The following ESRP2 variants were observed in gnomAD, a reference collection of about 807,000 sequenced individuals.
ESRP2 encodes epithelial splicing regulatory protein 2.
ESRP2 carries 48 observed loss-of-function variants against 78.6 expected under a neutral mutation model. The observed-to-expected ratio is 0.61, with a 90% CI of 0.48 to 0.78. The LOEUF is 0.78. Ranked by LOEUF, ESRP2 falls within the 30% of genes least tolerant of loss-of-function variation. The probability of loss-of-function intolerance (pLI) is 0.00; values close to 1 mark genes in which losing one functional copy is unlikely to be tolerated. For missense variants in ESRP2, 863 were observed against 965.9 expected (o/e 0.89, Z 1.41); for synonymous variants, 383 against 406.7 (o/e 0.94, Z 0.70).
chr16:68,230,551 G>T lies in ESRP2; in HGVS notation c.1902C>A (p.Pro634=), dbSNP rs1399930120. 6.4e-7 allele frequency: 1 copy of T among 1,563,788 alleles called. No homozygotes were observed. The highest frequency in any genetic ancestry group is 1.9e-5 in the Admixed American group (1 of 54,012). Residue 634 remains proline (P), a synonymous_variant, in exon 14 of 15, where the codon CCC becomes CCA. Transcript: ENST00000473183. ...AGCCCACAGTGGTGGGGGAGACTGGGGGGCTAGGGTGGGAGAGACAAGGTT... is the reference window on the plus strand; with the variant it reads ...AGCCCACAGTGGTGGGGGAGACTGGTGGGCTAGGGTGGGAGAGACAAGGTT... ...YLNYTAYYPS[P]PVSPTTVGYL... is the part of the protein sequence containing the mutation.
intron 4 of ESRP2, 52 bp from the exon 5 acceptor site, chr16:68,233,477 G>A (rs773684534): frequency 2.9e-6 from 4 of 1,382,830 alleles, no homozygotes; most frequent in Non-Finnish European, 4.1e-6. Context: ...CACTAATCCT[G>A]TTTACTCCTG....
In ESRP2 at chr16:68,232,399, T is replaced by C; in HGVS notation, c.926A>G (p.Lys309Arg). 2.5e-6 allele frequency: 4 copies of C among 1,614,082 alleles called. No individual in the cohort carries two copies. The highest frequency in any genetic ancestry group is 3.4e-6 in the Non-Finnish European group (4 of 1,180,004). ...EQRDLALQRHKHHMGVRYIEV... is the reference protein window; with the variant it reads ...EQRDLALQRHRHHMGVRYIEV... ...AATATAGCGGACGCCCATGTGGTGC[T>C]TGTGTCTCTGCAGCGCTAGGTCCCG... Residue 309 changes from lysine to arginine, a missense_variant, in exon 8 of 15, where the codon AAG becomes AGG. Coordinates refer to ENST00000473183, the MANE Select transcript of ESRP2 (RefSeq NM_024939.3). This position sits in a 1 kb window ranked among gnomAD's most constrained non-coding sequence, Gnocchi z 5.2.
rs781047948 is a variant in ESRP2, at chr16:68,232,789, T to TGA, written c.681_682insTC (p.Ile228SerfsTer2). The TGA allele has an allele frequency of 2.5e-6, 4 of 1,614,254 alleles. No individual in the cohort carries two copies. Among genetic ancestry groups the TGA allele is most frequent in the Non-Finnish European group, 3.4e-6 (4 of 1,180,044 alleles). On this transcript the variant is annotated frameshift_variant, in exon 6 of 15. Transcript: ENST00000473183. LOFTEE classifies it high-confidence loss of function. This position sits in a 1 kb window ranked among gnomAD's most constrained non-coding sequence, Gnocchi z 5.2. ...GGCCCCGTCTCGTATTTCTGCTTTA[T>TGA]CACCTCGGGCTTCGAAAACAATTGA... is the stretch of plus-strand genomic sequence containing the variant.
At chr16:68,234,144 T>G (rs947262304) in intron 2 of ESRP2, 37 bp from the exon 3 acceptor site, 12 of 1,499,520 alleles carry the variant, frequency 8.0e-6, no homozygotes, top group South Asian at 1.2e-5. Flanking sequence ...AACACACAGA[T>G]TCACAGCTGG....
chr16:68,230,118 T>A lies in ESRP2; in HGVS notation c.*108A>T. On this transcript the variant is annotated 3_prime_UTR_variant, in exon 15 of 15. Coordinates refer to ENST00000473183, the MANE Select transcript of ESRP2 (RefSeq NM_024939.3). ...CTCCTCTAGGTACCTTCTGAGAGCT[T>A]TGACAAGCCAGAAAGAAGCTACCAG... The A allele has an allele frequency of 9.4e-7, 1 of 1,068,296 alleles. No individual in the cohort carries two copies. 66.2% of individuals were successfully genotyped at this position (1,068,296 alleles called of 1,614,324 possible). A position where few individuals can be genotyped will look rare whatever the true frequency, so the allele number is the denominator to read the frequency against.
At chr16:68,230,727 C>G (rs1027690665) in intron 13 of ESRP2, 114 bp downstream of exon 13, 1 of 1,483,998 alleles carries the variant, frequency 6.7e-7, no homozygotes, top group Non-Finnish European at 9.2e-7. Context: ...CAGCTGCCAC[C>G]TTACTCCCTT....
In ESRP2 at chr16:68,232,004, C is replaced by T; in HGVS notation, c.1097G>A (p.Gly366Asp). ...PFSAGPTDVL[G>D]FLGPECPVTG... ...CACTGGGCACTCTGGCCCCAGGAAG[C>T]CAAGCACGTCCGTTGGCCCAGCCGA... The change falls in exon 10 of 15, where the codon GGC becomes GAC. Residue 366 changes from glycine to aspartate, a missense_variant. By Grantham distance (94) the Gly-to-Asp change is moderately conservative. Coordinates refer to ENST00000473183, the MANE Select transcript of ESRP2 (RefSeq NM_024939.3). This position sits in a 1 kb window ranked among gnomAD's most constrained non-coding sequence, Gnocchi z 5.2. The T allele has an allele frequency of 6.2e-7, 1 of 1,614,130 alleles. No individual in the cohort carries two copies. The highest frequency in any genetic ancestry group is 8.5e-7 in the Non-Finnish European group (1 of 1,180,022).
Position 68,236,081 on chromosome 16 carries a change from G to A in ESRP2, c.-36C>T, listed in dbSNP as rs974961497. 3.6e-6 allele frequency: 5 copies of A among 1,393,844 alleles called. No homozygotes were observed. The African/African-American group carries it at 4.6e-5, about 13-fold the overall frequency. The allele number at this position is 1,393,844 out of a possible 1,614,324, so 86.3% of individuals were successfully genotyped here. On this transcript the variant is annotated 5_prime_UTR_variant, in exon 1 of 15. Transcript: ENST00000473183. The surrounding 1 kb of genome is among the most constrained non-coding windows in gnomAD (Gnocchi z 5.2). ...GAAGGGGGCTCTCGGCCAGACACGCGGACCGACGAGGCGCACGCACGCACC... is the reference window on the plus strand; with the variant it reads ...GAAGGGGGCTCTCGGCCAGACACGCAGACCGACGAGGCGCACGCACGCACC...
chr16:68,230,371 C>A lies in ESRP2; in HGVS notation c.2064+18G>T, dbSNP rs2042110307. 1 of 1,613,974 alleles carries A rather than the reference C, an allele frequency of 6.2e-7. No individual in the cohort carries two copies. Among genetic ancestry groups the A allele is most frequent in the Non-Finnish European group, 8.5e-7 (1 of 1,179,956 alleles). ...AGCTCAGCCAGACCCGCCAGGCCCT[C>A]CGGCCACACAATCTCACCTGGTAGG... On this transcript the variant is annotated intron_variant, in intron 14 of 14. Coordinates refer to ENST00000473183, the MANE Select transcript of ESRP2 (RefSeq NM_024939.3).
Position 68,230,938 on chromosome 16 carries a change from G to A in ESRP2, c.1801C>T (p.Leu601Phe), listed in dbSNP as rs763972371. The A allele has an allele frequency of 1.2e-6, 2 of 1,613,166 alleles. No individual in the cohort carries two copies. Among genetic ancestry groups the A allele is most frequent in the East Asian group, 4.5e-5 (2 of 44,886 alleles). ...GCAGCAGGCACCCTGGCAGCTGGGA[G>A]CAGTGCTGAAGAGGGGTATAGAGCT... ...TAALYPSSAL[L>F]PAARVPAAPT... The change falls in exon 13 of 15, where the codon CTC becomes TTC. Residue 601 changes from leucine to phenylalanine, a missense_variant. Coordinates refer to ENST00000473183, the MANE Select transcript of ESRP2 (RefSeq NM_024939.3).
rs750972402 is a variant in ESRP2, at chr16:68,232,050, G to A, written c.1051C>T (p.Arg351Trp). 73 of 1,613,826 alleles carry A rather than the reference G, an allele frequency of 4.5e-5. 1 individual carries two copies. Among genetic ancestry groups the A allele is most frequent in the Admixed American group, 1.5e-4 (9 of 59,982 alleles). ...FLSREDQVIL[R>W]LRGLPFSAGP... ...GCCGAGAAGGGCAGTCCCCGCAGCC[G>A]CAGGATCACTTGGTCTTCCCGTGAC... Residue 351 changes from arginine to tryptophan, a missense_variant, in exon 10 of 15, where the codon CGG (arginine) becomes TGG (tryptophan). Coordinates refer to ENST00000473183, the MANE Select transcript of ESRP2 (RefSeq NM_024939.3). The surrounding 1 kb of genome is among the most constrained non-coding windows in gnomAD (Gnocchi z 5.2).
chr16:68,234,125 GGAGA>G lies in ESRP2; in HGVS notation c.328-22_328-19del. On this transcript the variant is annotated intron_variant, in intron 2 of 14. Coordinates refer to ENST00000473183, the MANE Select transcript of ESRP2 (RefSeq NM_024939.3). ...TGTGAGAACTGGGGATAGGGAATGGGGAGAGAGAAACACACAGATTCACAGCTGG... is the reference window on the plus strand; with the variant it reads ...TGTGAGAACTGGGGATAGGGAATGGGGAGAAACACACAGATTCACAGCTGG... The G allele has an allele frequency of 6.3e-7, 1 of 1,577,262 alleles. No individual in the cohort carries two copies. Among genetic ancestry groups the G allele is most frequent in the Non-Finnish European group, 8.7e-7 (1 of 1,155,762 alleles).
At chr16:68,230,575 T>C in intron 13 of ESRP2, 21 bp from the exon 14 acceptor site, 1 of 1,540,842 alleles carries the variant, frequency 6.5e-7, no homozygotes, top group Non-Finnish European at 8.7e-7. Flanking sequence ...AGAGACAAGG[T>C]TTAGTCATGC....
chr16:68,235,581 G>A lies in ESRP2; in HGVS notation c.327+53C>T, dbSNP rs1596931118. 10 of 1,590,438 alleles carry A rather than the reference G, an allele frequency of 6.3e-6. No individual in the cohort carries two copies. In the South Asian group the frequency reaches 1.0e-4, roughly 16 times the overall value. On this transcript the variant is annotated intron_variant, in intron 2 of 14. Transcript: ENST00000473183. The surrounding 1 kb of genome is among the most constrained non-coding windows in gnomAD (Gnocchi z 5.5). ...GGCCTAGCCTCCGGCCGCCAATCCCGCCCAGAAATGTCCTCACGTCCAGGC... is the reference window on the plus strand; with the variant it reads ...GGCCTAGCCTCCGGCCGCCAATCCCACCCAGAAATGTCCTCACGTCCAGGC...
chr16:68,235,936 G>A lies in ESRP2; in HGVS notation c.110C>T (p.Thr37Met). The part of the protein sequence containing the change: ...PGSLVVLFGA[T>M]AGALGRDLGS... ...CAGGTCCCGTCCCAGCGCACCCGCC[G>A]TAGCCCCGAAGAGGACGACCAGTGA... is the stretch of plus-strand genomic sequence containing the variant. The change falls in exon 1 of 15, where the codon ACG becomes ATG. Residue 37 changes from threonine to methionine, a missense_variant. By Grantham distance (81) the Thr-to-Met change is moderately conservative. Transcript: ENST00000473183. The surrounding 1 kb of genome is among the most constrained non-coding windows in gnomAD (Gnocchi z 5.5). The A allele has an allele frequency of 6.2e-7, 1 of 1,611,552 alleles. No homozygotes were observed. The highest frequency in any genetic ancestry group is 8.5e-7 in the Non-Finnish European group (1 of 1,179,474).
chr16:68,233,261 G>T, intron 5 of ESRP2, 66 bp downstream of exon 5: 1 of 1,087,382 alleles, frequency 9.2e-7, no homozygotes, highest in Non-Finnish European at 1.4e-6. Flanking sequence ...GAAGGTCACA[G>T]TGGGGAGGAG....
At chr16:68,230,579 G>T (rs777455176) in intron 13 of ESRP2, 25 bp from the exon 14 acceptor site, 3 of 1,539,164 alleles carry the variant, frequency 1.9e-6, no homozygotes, top group Non-Finnish European at 2.6e-6. Context: ...ACAAGGTTTA[G>T]TCATGCATGC....
Position 68,234,032 on chromosome 16 carries a change from G to A in ESRP2, c.403C>T (p.Leu135=). The A allele has an allele frequency of 6.2e-7, 1 of 1,614,080 alleles. No homozygotes were observed. The highest frequency in any genetic ancestry group is 8.5e-7 in the Non-Finnish European group (1 of 1,179,982). Residue 135 remains leucine, a synonymous_variant, in exon 3 of 15, where the codon CTA becomes TTA. Transcript: ENST00000473183. ...TCGGGGTGCAGGACCTGTCGCAATA[G>A]CTGCTGCCCATCAGTGCAGAGCATG... The part of the protein sequence containing the change: ...PYMLCTDGQQ[L]LRQVLHPEAS...
At position 68,230,511 on chromosome 16, in the gene ESRP2, T is replaced by C; in HGVS notation, c.1942A>G (p.Thr648Ala). 6.2e-7 allele frequency: 1 copy of C among 1,603,018 alleles called. No individual in the cohort carries two copies. The highest frequency in any genetic ancestry group is 8.5e-7 in the Non-Finnish European group (1 of 1,173,886). Residue 648 changes from threonine (T) to alanine (A), a missense_variant, in exon 14 of 15, where the codon ACT becomes GCT. Transcript: ENST00000473183. ...GTGGGAGCAGAGGCCAGGGCAGCAG[T>C]GGGTGTAGTGAGGTAGCCCACAGTG... ...PTTVGYLTTP[T>A]AALASAPTSV...
Sources: gnomAD v4.1 joint callset for allele counts on GRCh38, gnomAD v4.1.1 for gene constraint, Gnocchi (gnomAD v3.1) non-coding constraint, MANE v1.5 for transcripts, NCBI Gene and HGNC (gene_info 2026-07-23, HGNC 2026-07-21) for gene names.